The following TRPM6 variants were observed in gnomAD, a reference collection of about 807,000 sequenced individuals.
The protein encoded by TRPM6 is transient receptor potential cation channel subfamily M member 6.
Under a neutral mutation model 247.6 loss-of-function variants are expected in TRPM6, and 111 were observed. The ratio of observed to expected loss-of-function variants is 0.45; its 90% CI spans 0.38 to 0.52. The LOEUF (loss-of-function observed/expected upper bound fraction) is 0.52, where lower values mean the gene tolerates loss of function less well. Among genes scored for constraint, TRPM6 ranks in the 20% least tolerant of loss-of-function variants. The probability of loss-of-function intolerance (pLI) is 0.00; values close to 1 mark genes in which losing one functional copy is unlikely to be tolerated. For synonymous variants in TRPM6, 892 were observed against 853.8 expected (o/e 1.04, Z -0.78); for missense variants, 2,126 against 2,421.5 (o/e 0.88, Z 2.56).
Position 74,738,462 on chromosome 9 carries a change from G to T in TRPM6, c.5721C>A (p.Phe1907Leu). 6.2e-7 allele frequency: 1 copy of T among 1,614,108 alleles called. No individual in the cohort carries two copies. Among genetic ancestry groups the T allele is most frequent in the Non-Finnish European group, 8.5e-7 (1 of 1,179,994 alleles). The change falls in exon 36 of 39, where the codon TTC becomes TTA. Residue 1907 changes from phenylalanine to leucine, a missense_variant. Transcript: ENST00000360774. The stretch of plus-strand genomic sequence containing the variant: ...GAGTGTACTCATAGGTCCAGTGAGA[G>T]AAAGCCAACATCAGCTCCTCCAGGG... ...TNTLEELMLA[F>L]SHWTYEYTRG...
chr9:74,881,765 A>T (rs1311486268), intron 1 of TRPM6, among the ~76,000 whole-genome samples: 1 of 152,236 alleles, frequency 6.6e-6, no homozygotes, highest in Admixed American at 6.5e-5. Context: ...TAAAACTAGA[A>T]ATCAATAATA....
intron 16 of TRPM6, among the ~76,000 whole-genome samples, chr9:74,801,100 T>G (rs1462382805): frequency 6.6e-6 from 1 of 151,896 alleles, no homozygotes; most frequent in African/African-American, 2.4e-5. Flanking sequence ...ATTGTCATGC[T>G]CTGGAATTTG....
At chr9:74,729,441 A>G (rs1825447382) in intron 37 of TRPM6, among the ~76,000 whole-genome samples, 1 of 152,176 alleles carries the variant, frequency 6.6e-6, no homozygotes. Context: ...CAAGCTCAGA[A>G]TGAGGGCTGA....
intron 3 of TRPM6, among the ~76,000 whole-genome samples, chr9:74,851,217 AAAG>A: frequency 6.6e-6 from 1 of 152,160 alleles, no homozygotes; most frequent in Non-Finnish European, 1.5e-5. Flanking sequence ...TTGAAGTCTC[AAAG>A]AACATATCAC....
Position 74,732,548 on chromosome 9 carries a change from T to C in TRPM6, c.5828+137A>G, listed in dbSNP as rs1350045545. ...ATGCTTTTTTATAATCTTATTGTTT[T>C]TGGTCTATATACATAAGCTACCTAA... On this transcript the variant is annotated intron_variant, in intron 37 of 38. Coordinates refer to ENST00000360774, the MANE Select transcript of TRPM6 (RefSeq NM_017662.5). 3 of 586,736 alleles carry C rather than the reference T, an allele frequency of 5.1e-6. No homozygotes were observed. In the Admixed American group the frequency reaches 1.0e-4, roughly 20 times the overall value. 36.3% of individuals were successfully genotyped at this position (586,736 alleles called of 1,614,324 possible). A position where few individuals can be genotyped will look rare whatever the true frequency, so the allele number is the denominator to read the frequency against.
chr9:74,762,746 C>G lies in TRPM6; in HGVS notation c.3925G>C (p.Glu1309Gln), dbSNP rs1468000367. Reference sequence around the variant, plus strand: ...TGGTCATTTCTTACATTTGTAGCCTCTCTTTTACTGTTTGTAATCTCAAGA... The same window carrying G: ...TGGTCATTTCTTACATTTGTAGCCTGTCTTTTACTGTTTGTAATCTCAAGA... The part of the protein sequence containing the change: ...ALLEITNSKR[E>Q]ATNVRNDQER... Residue 1309 changes from glutamate (E) to glutamine (Q), a missense_variant, in exon 26 of 39, where the codon GAG becomes CAG. By Grantham distance (29) the Glu-to-Gln change is conservative. Transcript: ENST00000360774. The G allele has an allele frequency of 7.4e-6, 12 of 1,614,056 alleles. No homozygotes were observed. The African/African-American group carries it at 1.6e-4, about 22-fold the overall frequency.
At chr9:74,789,960 CAAAAAAAAAAAAA>C (rs71368680) in intron 19 of TRPM6, among the ~76,000 whole-genome samples, 32 of 65,130 alleles carry the variant, frequency 4.9e-4, no homozygotes, top group Admixed American at 8.9e-4. Context: ...GACTCCATCT[CAAAAAAAAAAAAA>C]AAAAAAAAAA....
In TRPM6 at chr9:74,810,572, A is replaced by G. The variant is rs79046018; in HGVS notation, c.1497+243T>C. 0.014 allele frequency among the ~76,000 whole-genome samples: 2,205 copies of G among 152,326 alleles called. 55 individuals carry two copies. Among genetic ancestry groups the G allele is most frequent in the African/African-American group, 0.047 (1,941 of 41,570 alleles). On this transcript the variant is annotated intron_variant, in intron 13 of 38. Transcript: ENST00000360774. Reference sequence around the variant, plus strand: ...TAGAAGCATTGCATGTCTCTGATTCATGGCTTTTTATTAGCAAATATCACC... The same window carrying G: ...TAGAAGCATTGCATGTCTCTGATTCGTGGCTTTTTATTAGCAAATATCACC...
intron 1 of TRPM6, among the ~76,000 whole-genome samples, chr9:74,886,387 G>A (rs1401051965): frequency 6.6e-6 from 1 of 152,122 alleles, no homozygotes; most frequent in East Asian, 1.9e-4. Context: ...TCTGTATACA[G>A]GGGGAAAGAA....
intron 38 of TRPM6, 149 bp from the exon 39 acceptor site, chr9:74,724,895 G>T: frequency 9.6e-7 from 1 of 1,044,386 alleles, no homozygotes; most frequent in Non-Finnish European, 1.4e-6. Context: ...CCTCAACCAT[G>T]TCTAGATTAA....
At chr9:74,826,301 C>T (rs1829327982) in intron 7 of TRPM6, among the ~76,000 whole-genome samples, 1 of 152,218 alleles carries the variant, frequency 6.6e-6, no homozygotes, top group African/African-American at 2.4e-5. Flanking sequence ...GACAGCGCTT[C>T]AATCTGTCTG....
At chr9:74,859,664 C>T (rs1417281320) in intron 1 of TRPM6, among the ~76,000 whole-genome samples, 1 of 151,838 alleles carries the variant, frequency 6.6e-6, no homozygotes, top group Non-Finnish European at 1.5e-5. Flanking sequence ...ATCCCAGCTA[C>T]TCAGGAGGCT....
intron 1 of TRPM6, among the ~76,000 whole-genome samples, chr9:74,872,621 T>TGC (rs1554737885): frequency 1.9e-4 from 29 of 151,894 alleles, no homozygotes; most frequent in African/African-American, 7.0e-4. Context: ...TGTGTGTGTG[T>TGC]GTGCATGCGC....
At chr9:74,765,884 C>T in intron 25 of TRPM6, among the ~76,000 whole-genome samples, 1 of 152,236 alleles carries the variant, frequency 6.6e-6, no homozygotes, top group East Asian at 1.9e-4. Context: ...AGAACCCTCT[C>T]TTTCTTGCTT....
Position 74,743,951 on chromosome 9 carries a change from A to C in TRPM6, c.5134+144T>G. 3.7e-6 allele frequency: 3 copies of C among 803,290 alleles called. No homozygotes were observed. In the East Asian group the frequency reaches 7.7e-5, roughly 21 times the overall value. The allele number at this position is 803,290 out of a possible 1,614,324, so 49.8% of individuals were successfully genotyped here. A position where few individuals can be genotyped will look rare whatever the true frequency, so the allele number is the denominator to read the frequency against. ...AGTCAATGGCAAAGTTAGAAATTGGAATGTTCTTCCCATCAAAGTGAACAA... is the reference window on the plus strand; with the variant it reads ...AGTCAATGGCAAAGTTAGAAATTGGCATGTTCTTCCCATCAAAGTGAACAA... On this transcript the variant is annotated intron_variant, in intron 32 of 38. Transcript: ENST00000360774.
In TRPM6 at chr9:74,816,713, C is replaced by A; in HGVS notation, c.1264G>T (p.Asp422Tyr). ...ATTAGGATATGTTTCTTGGCAATGT[C>A]CACCCTGTCCCAAGCCATTGCCAGA... Reference protein sequence around the residue: ...LNLAMAWDRVDIAKKHILIYE... With the variant: ...LNLAMAWDRVYIAKKHILIYE... The change falls in exon 11 of 39, where the codon GAC becomes TAC. Residue 422 changes from aspartate (D) to tyrosine (Y), a missense_variant. By Grantham distance (160) the Asp-to-Tyr change is radical. Transcript: ENST00000360774. 2 of 1,614,146 alleles carry A rather than the reference C, an allele frequency of 1.2e-6. No individual in the cohort carries two copies. The highest frequency in any genetic ancestry group is 2.2e-5 in the South Asian group (2 of 91,076).
rs1010586776 is a variant in TRPM6 at position 74,800,244 on chromosome 9, G to C, written c.2238+10C>G. 5 of 1,610,518 alleles carry C rather than the reference G, an allele frequency of 3.1e-6. No homozygotes were observed. In the African/African-American group the frequency reaches 5.3e-5, roughly 17 times the overall value. ...CATTAAACTCCATAAGACAAGTAAAGTAAATTTACCTTTAACCAAGAGTTT... is the reference window on the plus strand; with the variant it reads ...CATTAAACTCCATAAGACAAGTAAACTAAATTTACCTTTAACCAAGAGTTT... On this transcript the variant is annotated intron_variant, in intron 17 of 38. Coordinates refer to ENST00000360774, the MANE Select transcript of TRPM6 (RefSeq NM_017662.5).
At chr9:74,770,106 A>G (rs1826980362) in intron 25 of TRPM6, among the ~76,000 whole-genome samples, 1 of 152,196 alleles carries the variant, frequency 6.6e-6, no homozygotes, top group African/African-American at 2.4e-5. Context: ...TTTAATCTGA[A>G]ATTCAATCAG....
At chr9:74,876,018 G>T (rs1001849524) in intron 1 of TRPM6, among the ~76,000 whole-genome samples, 5 of 152,204 alleles carry the variant, frequency 3.3e-5, no homozygotes, top group Non-Finnish European at 5.9e-5. Context: ...AGAAAAGAAA[G>T]ATGTTTTCAT....
Sources: gnomAD v4.1 joint callset for allele counts (sites outside exome capture counted in the v4.1 genomes callset) on GRCh38, gnomAD v4.1.1 for gene constraint, MANE v1.5 for transcripts, NCBI Gene and HGNC (gene_info 2026-07-23, HGNC 2026-07-21) for gene names.